The following DCC variants were observed in gnomAD, a reference collection of about 807,000 sequenced individuals.
The protein encoded by DCC is DCC netrin 1 receptor.
Under a neutral mutation model 172.5 loss-of-function variants are expected in DCC, and 58 were observed. The observed-to-expected ratio is 0.34, with a 90% confidence interval of 0.27 to 0.42. The LOEUF is 0.42. Ranked by LOEUF, DCC falls within the 10% of genes least tolerant of loss-of-function variation. DCC has a pLI of 1.00. For missense variants in DCC, 1,740 were observed against 1,791.0 expected, an observed-to-expected ratio of 0.97 and a Z score of 0.51; for synonymous variants, 709 against 644.5, an observed-to-expected ratio of 1.10 and a Z score of -1.52.
At chr18:52,857,570 A>G (rs919372069) in intron 2 of DCC, among the ~76,000 whole-genome samples, 4 of 152,166 alleles carry the variant, frequency 2.6e-5, no homozygotes, top group Non-Finnish European at 5.9e-5. Context: ...ATGATGTTAT[A>G]TAGGGTAATT....
At chr18:53,155,302 T>G (rs989585907) in intron 7 of DCC, among the ~76,000 whole-genome samples, 1 of 152,140 alleles carries the variant, frequency 6.6e-6, no homozygotes, top group African/African-American at 2.4e-5. Context: ...GAAGACTGAC[T>G]TTGATAAAGA....
intron 5 of DCC, among the ~76,000 whole-genome samples, chr18:52,941,477 T>C (rs1360480471): frequency 7.2e-6 from 1 of 138,938 alleles, no homozygotes; most frequent in Non-Finnish European, 1.6e-5. Context: ...AACATACATA[T>C]ATACATGTTT....
chr18:52,820,197 T>C (rs1215951618), intron 2 of DCC, among the ~76,000 whole-genome samples: 1 of 152,128 alleles, frequency 6.6e-6, no homozygotes, highest in Non-Finnish European at 1.5e-5. Flanking sequence ...ACAAGCAGAG[T>C]AAATGACCAA....
At chr18:52,524,846 G>T (rs1368466204) in intron 1 of DCC, among the ~76,000 whole-genome samples, 1 of 151,896 alleles carries the variant, frequency 6.6e-6, no homozygotes, top group East Asian at 1.9e-4. Flanking sequence ...GAAGGCCAAG[G>T]GTAATTATTC....
chr18:52,621,327 G>T (rs1418269980), intron 1 of DCC, among the ~76,000 whole-genome samples: 1 of 152,188 alleles, frequency 6.6e-6, no homozygotes, highest in Non-Finnish European at 1.5e-5. Context: ...CTGCACTGGT[G>T]ATGAACTTGA....
chr18:53,022,756 A>G (rs1024241178), intron 5 of DCC, among the ~76,000 whole-genome samples: 3 of 152,044 alleles, frequency 2.0e-5, no homozygotes, highest in Admixed American at 1.3e-4. Context: ...AATACACTGG[A>G]TACTTCTTGA....
intron 7 of DCC, among the ~76,000 whole-genome samples, chr18:53,098,020 C>T (rs1438814893): frequency 6.6e-6 from 1 of 152,072 alleles, no homozygotes; most frequent in Non-Finnish European, 1.5e-5. Flanking sequence ...TCAGCTGATG[C>T]CTTCTCAGAT....
At position 53,468,032 on chromosome 18, in the gene DCC, A is replaced by G. The variant is rs769247039; in HGVS notation, c.3736+22A>G. The G allele has an allele frequency of 4.7e-6, 5 of 1,058,520 alleles. No individual in the cohort carries two copies. In the African/African-American group the frequency reaches 7.8e-5, roughly 16 times the overall value. 65.6% of individuals were successfully genotyped at this position (1,058,520 alleles called of 1,614,324 possible). ...CCTGGTGAGTCAATATTGGTGCCAC[A>G]ATGAAGAAATGAAATGCTTTCTGTA... On this transcript the variant is annotated intron_variant, in intron 25 of 28. Coordinates refer to ENST00000442544, the MANE Select transcript of DCC (RefSeq NM_005215.4).
intron 2 of DCC, among the ~76,000 whole-genome samples, chr18:52,873,098 T>C (rs189416257): frequency 4.2e-4 from 64 of 152,294 alleles, no homozygotes; most frequent in Non-Finnish European, 3.7e-4. Context: ...TTTTTAAAAA[T>C]ACCTTACAAA....
chr18:53,499,362 T>C lies in DCC; in HGVS notation c.3963T>C (p.Ser1321=), dbSNP rs1312306340. Residue 1321 remains serine, a synonymous_variant, in exon 27 of 29, where the codon TCT becomes TCC. Transcript: ENST00000442544. ...PMLPPSQPEH[S]SSEEAPSRTI... is the part of the protein sequence containing the mutation. The stretch of plus-strand genomic sequence containing the variant: ...TGCCCCCATCTCAGCCTGAGCATTC[T>C]AGCAGCGAGGAGGCACCAAGCAGAA... The C allele has an allele frequency of 6.2e-7, 1 of 1,613,960 alleles. No individual in the cohort carries two copies. Among genetic ancestry groups the C allele is most frequent in the Non-Finnish European group, 8.5e-7 (1 of 1,180,006 alleles).
At chr18:52,447,082 G>C (rs997342441) in intron 1 of DCC, among the ~76,000 whole-genome samples, 1 of 152,148 alleles carries the variant, frequency 6.6e-6, no homozygotes, top group Non-Finnish European at 1.5e-5. Flanking sequence ...AGACATCAAA[G>C]ACTTTAGTCC....
chr18:52,541,052 G>C (rs1348842502), intron 1 of DCC, among the ~76,000 whole-genome samples: 1 of 152,208 alleles, frequency 6.6e-6, no homozygotes, highest in African/African-American at 2.4e-5. Flanking sequence ...GGTCCCGTTT[G>C]ATTCTCATAG....
chr18:52,948,480 T>C (rs1207375757), intron 5 of DCC, among the ~76,000 whole-genome samples: 1 of 152,202 alleles, frequency 6.6e-6, no homozygotes, highest in African/African-American at 2.4e-5. Context: ...CTGTGCAATA[T>C]ATTTCATGTG....
At chr18:52,778,447 G>A (rs527572047) in intron 2 of DCC, among the ~76,000 whole-genome samples, 4 of 152,026 alleles carry the variant, frequency 2.6e-5, no homozygotes, top group African/African-American at 9.6e-5. Context: ...TCCAGGCATT[G>A]GCTGATACAT....
At chr18:53,373,418 AC>A (rs2058079091) in intron 15 of DCC, among the ~76,000 whole-genome samples, 1 of 152,162 alleles carries the variant, frequency 6.6e-6, no homozygotes, top group African/African-American at 2.4e-5. Context: ...CAAGTGAGCA[AC>A]TAAAATGCTA....
intron 27 of DCC, among the ~76,000 whole-genome samples, chr18:53,503,769 A>G (rs996372646): frequency 1.3e-5 from 2 of 152,218 alleles, no homozygotes; most frequent in Non-Finnish European, 2.9e-5. Context: ...TGACCTTTAT[A>G]TCATAATACT....
chr18:53,297,801 C>T (rs956172622), intron 12 of DCC, among the ~76,000 whole-genome samples: 17 of 152,178 alleles, frequency 1.1e-4, no homozygotes, highest in African/African-American at 4.1e-4. Context: ...TTTGGAGCCT[C>T]CAGCTGTATC....
At chr18:53,152,933 T>C (rs1336054919) in intron 7 of DCC, among the ~76,000 whole-genome samples, 1 of 152,214 alleles carries the variant, frequency 6.6e-6, no homozygotes, top group African/African-American at 2.4e-5. Flanking sequence ...CTGAGCTTTG[T>C]GCCATCTGAG....
chr18:52,569,322 T>C (rs2033239291), intron 1 of DCC, among the ~76,000 whole-genome samples: 1 of 152,202 alleles, frequency 6.6e-6, no homozygotes, highest in African/African-American at 2.4e-5. Flanking sequence ...TGCTCCTCCA[T>C]TTCTTCCCTT....
Sources: allele counts gnomAD v4.1 joint callset (sites outside exome capture counted in the v4.1 genomes callset), GRCh38; gene constraint gnomAD v4.1.1; transcripts MANE v1.5; gene names NCBI Gene and HGNC (gene_info 2026-07-23, HGNC 2026-07-21).